Variants in KLRG1 observed in about 807,000 individuals in gnomAD.
KLRG1 encodes killer cell lectin like receptor G1.
KLRG1 carries 16 observed loss-of-function variants against 21.8 expected under a neutral mutation model. That is an observed-to-expected ratio of 0.73 (90% CI 0.50 to 1.11). The LOEUF is 1.11. KLRG1 is among the 50% of genes most tolerant of loss of function. KLRG1 has a pLI of 0.00. For synonymous variants in KLRG1, 69 were observed against 75.9 expected, an observed-to-expected ratio of 0.91 and a Z score of 0.47; for missense variants, 173 against 218.3, an observed-to-expected ratio of 0.79 and a Z score of 1.31.
At chr12:9,130,977 T>C in the KLRG1 span, among the ~76,000 whole-genome samples, 1 of 152,332 alleles carries the variant, frequency 6.6e-6, no homozygotes, top group East Asian at 1.9e-4. Flanking sequence ...ATTTTGTAGA[T>C]AGTGTAAAAT....
the KLRG1 span, chr12:9,101,048 C>G: frequency 8.5e-7 from 1 of 1,178,958 alleles, no homozygotes; most frequent in Non-Finnish European, 1.2e-6. Flanking sequence ...CCCCAAAAAC[C>G]TATGGAAAAA....
intron 3 of KLRG1, among the ~76,000 whole-genome samples, chr12:9,006,939 A>T: frequency 6.6e-6 from 1 of 152,246 alleles, no homozygotes; most frequent in Non-Finnish European, 1.5e-5. Context: ...GATACTGGGA[A>T]TGAACGCAAA....
At chr12:9,194,025 C>A in the KLRG1 span, 1 of 1,511,238 alleles carries the variant, frequency 6.6e-7, no homozygotes, top group South Asian at 1.2e-5. Flanking sequence ...CTGAATATAT[C>A]ACTGTTCCTA....
the KLRG1 span, chr12:9,058,402 A>C: frequency 6.6e-6 from 1 of 152,200 alleles, no homozygotes; most frequent in African/African-American, 2.4e-5. Context: ...TTATTTATGG[A>C]AAAGAATGTT....
At chr12:9,160,495 G>A in the KLRG1 span, 7 of 1,607,852 alleles carry the variant, frequency 4.4e-6, no homozygotes, top group East Asian at 1.3e-4. Flanking sequence ...TGTCACCTGG[G>A]GAATGTGAAA....
At chr12:8,987,567 A>C (rs908373802), upstream of KLRG1, 1 of 152,216 alleles carries the variant, frequency 6.6e-6, no homozygotes, top group South Asian at 2.1e-4. Context: ...CAAGCAAGTG[A>C]ATACAAGAAT....
At chr12:9,114,336 A>T in the KLRG1 span, among the ~76,000 whole-genome samples, 1 of 151,994 alleles carries the variant, frequency 6.6e-6, no homozygotes, top group African/African-American at 2.4e-5. Flanking sequence ...TAATTTTTGG[A>T]CTCTGTGCAC....
chr12:9,039,794 T>C, the KLRG1 span, among the ~76,000 whole-genome samples: 1 of 152,258 alleles, frequency 6.6e-6, no homozygotes, highest in African/African-American at 2.4e-5. Flanking sequence ...ATTTGTGCAT[T>C]CTTTTGATAA....
the KLRG1 span, among the ~76,000 whole-genome samples, chr12:9,164,474 G>A: frequency 6.6e-6 from 1 of 152,354 alleles, no homozygotes; most frequent in South Asian, 2.1e-4. Flanking sequence ...TTTGCCTTAG[G>A]GTAGCTTGTG....
chr12:8,983,002 C>G (rs1301097222), intron 1 of KLRG1, among the ~76,000 whole-genome samples: 1 of 152,118 alleles, frequency 6.6e-6, no homozygotes, highest in African/African-American at 2.4e-5. Flanking sequence ...CAATTTGTGC[C>G]ATTTATTTGG....
chr12:9,173,758 C>A, the KLRG1 span, among the ~76,000 whole-genome samples: 1 of 152,106 alleles, frequency 6.6e-6, no homozygotes, highest in Non-Finnish European at 1.5e-5. Context: ...GACACATACA[C>A]CCTCCCAAGA....
the KLRG1 span, chr12:9,101,423 C>T: frequency 6.8e-3 from 10,818 of 1,590,352 alleles, 529 homozygotes; most frequent in Admixed American, 0.12. Flanking sequence ...ACAGTGAAGT[C>T]AACGCAGTAA....
the KLRG1 span, among the ~76,000 whole-genome samples, chr12:9,144,165 A>AAG: frequency 6.6e-3 from 992 of 149,528 alleles, 6 homozygotes; most frequent in African/African-American, 0.021. Flanking sequence ...CCACATGAGG[A>AAG]AGAGAGAGAG....
upstream of KLRG1, among the ~76,000 whole-genome samples, chr12:8,987,691 ATTC>A (rs576376000): frequency 8.5e-5 from 13 of 152,064 alleles, no homozygotes; most frequent in Non-Finnish European, 1.9e-4. Flanking sequence ...TTCAGTAACC[ATTC>A]TTCTTTCTTT....
chr12:9,000,832 A>G (rs1420991343), intron 3 of KLRG1, among the ~76,000 whole-genome samples: 28 of 152,214 alleles, frequency 1.8e-4, no homozygotes, highest in Non-Finnish European at 7.3e-5. Flanking sequence ...TTGGATATCC[A>G]TCTATTGACA....
At chr12:9,001,011 G>A (rs189784397) in intron 3 of KLRG1, among the ~76,000 whole-genome samples, 26 of 152,196 alleles carry the variant, frequency 1.7e-4, no homozygotes, top group African/African-American at 5.8e-4. Context: ...ATTTCTTAAC[G>A]TTATTTGCAT....
the KLRG1 span, among the ~76,000 whole-genome samples, chr12:9,118,794 G>A: frequency 3.3e-5 from 5 of 152,206 alleles, no homozygotes; most frequent in Non-Finnish European, 7.3e-5. Context: ...AGTTAAAGCA[G>A]TCTGAATGCC....
At chr12:9,211,488 A>G in the KLRG1 span, among the ~76,000 whole-genome samples, 1 of 151,890 alleles carries the variant, frequency 6.6e-6, no homozygotes, top group Admixed American at 6.6e-5. Flanking sequence ...TTGTTCATAC[A>G]TTGTTTTTCT....
At chr12:9,020,989 A>G in the KLRG1 span, among the ~76,000 whole-genome samples, 2 of 152,336 alleles carry the variant, frequency 1.3e-5, no homozygotes, top group South Asian at 4.1e-4. Context: ...CCTGCACAGC[A>G]AGTTACTGTA....
Sources: allele counts gnomAD v4.1 joint callset (sites outside exome capture counted in the v4.1 genomes callset), GRCh38; gene constraint gnomAD v4.1.1; transcripts MANE v1.5; gene names NCBI Gene and HGNC (gene_info 2026-07-23, HGNC 2026-07-21).